The following ZCCHC7 variants were observed in gnomAD, a reference collection of about 807,000 sequenced individuals.
ZCCHC7 encodes zinc finger CCHC domain-containing protein 7.
In ZCCHC7, 35 loss-of-function variants were observed where a neutral mutation model predicts 52.0. That is an observed-to-expected ratio of 0.67 (90% confidence interval 0.51 to 0.89). The LOEUF (loss-of-function observed/expected upper bound fraction) is 0.89, where lower values mean the gene tolerates loss of function less well. ZCCHC7 is among the 40% of genes least tolerant of loss of function. The pLI is 0.00. For synonymous variants in ZCCHC7, 217 were observed against 221.5 expected (o/e 0.98, Z 0.18); for missense variants, 574 against 649.1 (o/e 0.88, Z 1.26).
intron 2 of ZCCHC7, among the ~76,000 whole-genome samples, chr9:37,240,870 C>T (rs1287052463): frequency 6.6e-6 from 1 of 151,442 alleles, no homozygotes; most frequent in East Asian, 1.9e-4. Context: ...ATTTAATATG[C>T]AATAAAATAT....
intron 6 of ZCCHC7, among the ~76,000 whole-genome samples, chr9:37,331,653 A>G (rs1830454838): frequency 6.6e-6 from 1 of 151,738 alleles, no homozygotes; most frequent in Admixed American, 6.6e-5. Context: ...TAATGCTAAT[A>G]TGGAATGTTT....
intron 2 of ZCCHC7, among the ~76,000 whole-genome samples, chr9:37,295,744 T>C (rs1828756355): frequency 6.6e-6 from 1 of 152,158 alleles, no homozygotes; most frequent in Non-Finnish European, 1.5e-5. Flanking sequence ...AATAATTCCA[T>C]TTTAGTGAAT....
intron 2 of ZCCHC7, among the ~76,000 whole-genome samples, chr9:37,206,594 C>T (rs1823929663): frequency 1.3e-5 from 2 of 152,116 alleles, no homozygotes; most frequent in South Asian, 4.1e-4. Context: ...TCAAGCGATC[C>T]ACTTGCCTCA....
chr9:37,229,185 T>G (rs1187821578), intron 2 of ZCCHC7, among the ~76,000 whole-genome samples: 1 of 152,168 alleles, frequency 6.6e-6, no homozygotes, highest in African/African-American at 2.4e-5. Context: ...GATTAATGGC[T>G]CACAGCTTCT....
chr9:37,203,309 A>T (rs552728427), intron 2 of ZCCHC7, among the ~76,000 whole-genome samples: 21 of 151,010 alleles, frequency 1.4e-4, no homozygotes, highest in South Asian at 2.1e-4. Flanking sequence ...TCTTTAAAAA[A>T]TTTTTTTTTT....
intron 5 of ZCCHC7, among the ~76,000 whole-genome samples, chr9:37,315,047 A>T (rs1336743330): frequency 6.6e-6 from 1 of 152,040 alleles, no homozygotes; most frequent in African/African-American, 2.4e-5. Context: ...ATAATTAGGC[A>T]TGCCATCTAA....
Position 37,278,259 on chromosome 9 carries a change from A to G in ZCCHC7, c.611-23929A>G, listed in dbSNP as rs939451818. Among the ~76,000 whole-genome samples the G allele has an allele frequency of 2.0e-4, 31 of 152,180 alleles. 1 individual carries two copies. Among genetic ancestry groups the G allele is most frequent in the African/African-American group, 6.8e-4 (28 of 41,442 alleles). ...TTTAAAGCTGTTATTAGTTATGACT[A>G]TGCTCAAGGATATAAAATGGCATAC... On this transcript the variant is annotated intron_variant, in intron 2 of 8. Transcript: ENST00000336755.
intron 4 of ZCCHC7, 87 bp from the exon 5 acceptor site, chr9:37,305,456 GA>G (rs1293316174): frequency 5.3e-6 from 8 of 1,497,268 alleles, no homozygotes; most frequent in Middle Eastern, 2.4e-4. Context: ...AATTAGAAAA[GA>G]TTTTTTTATG....
At chr9:37,235,339 G>A (rs1453355483) in intron 2 of ZCCHC7, among the ~76,000 whole-genome samples, 1 of 152,060 alleles carries the variant, frequency 6.6e-6, no homozygotes, top group Non-Finnish European at 1.5e-5. Context: ...CCGTATATGG[G>A]AGAAATCATG....
At chr9:37,176,543 T>C (rs964077691) in intron 2 of ZCCHC7, among the ~76,000 whole-genome samples, 1 of 152,002 alleles carries the variant, frequency 6.6e-6, no homozygotes, top group African/African-American at 2.4e-5. Context: ...ATCAATAATA[T>C]ATGTCAATAT....
chr9:37,298,533 T>C (rs748923438), intron 2 of ZCCHC7, among the ~76,000 whole-genome samples: 4 of 152,142 alleles, frequency 2.6e-5, no homozygotes, highest in Non-Finnish European at 4.4e-5. Flanking sequence ...CACAAAATAG[T>C]ACATAACGTA....
chr9:37,125,272 C>G (rs1842494611), intron 1 of ZCCHC7, among the ~76,000 whole-genome samples: 1 of 152,246 alleles, frequency 6.6e-6, no homozygotes. Flanking sequence ...ACCTCAACCT[C>G]CTGAGTAGTA....
At chr9:37,232,994 G>A (rs1825478336) in intron 2 of ZCCHC7, among the ~76,000 whole-genome samples, 1 of 152,098 alleles carries the variant, frequency 6.6e-6, no homozygotes. Flanking sequence ...CCAGGTTGGT[G>A]GTGTTGGCTT....
chr9:37,335,793 T>G (rs1830622684), intron 6 of ZCCHC7, among the ~76,000 whole-genome samples: 1 of 152,212 alleles, frequency 6.6e-6, no homozygotes, highest in Non-Finnish European at 1.5e-5. Flanking sequence ...TTTATACTTG[T>G]CTTATTCTTT....
At chr9:37,130,597 A>G (rs146729443) in intron 2 of ZCCHC7, among the ~76,000 whole-genome samples, 7,634 of 149,116 alleles carry the variant, frequency 0.051, 634 homozygotes, top group African/African-American at 0.18. Context: ...GGTTCACGCC[A>G]TTCTCCTGCC....
At chr9:37,140,590 A>G (rs1843176839) in intron 2 of ZCCHC7, among the ~76,000 whole-genome samples, 1 of 151,978 alleles carries the variant, frequency 6.6e-6, no homozygotes, top group African/African-American at 2.4e-5. Flanking sequence ...GACATTTTAA[A>G]GTTGTATTAA....
At chr9:37,328,012 T>C (rs533019721) in intron 6 of ZCCHC7, among the ~76,000 whole-genome samples, 178 bp downstream of exon 6, 1 of 152,196 alleles carries the variant, frequency 6.6e-6, no homozygotes, top group South Asian at 2.1e-4. Context: ...CCCTACCCTA[T>C]CTTCCTGTTC....
At chr9:37,122,246 T>G (rs1353424960) in intron 1 of ZCCHC7, among the ~76,000 whole-genome samples, 2 of 152,270 alleles carry the variant, frequency 1.3e-5, no homozygotes, top group Non-Finnish European at 2.9e-5. Flanking sequence ...TAAATAAGCC[T>G]TAAGTTGTCT....
At chr9:37,322,395 G>A (rs1830089726) in intron 5 of ZCCHC7, 1 of 152,072 alleles carries the variant, frequency 6.6e-6, no homozygotes, top group South Asian at 2.1e-4. Context: ...GAGGAGGAAA[G>A]GCTAGTAAGG....
Sources: gnomAD v4.1 joint callset for allele counts (sites outside exome capture counted in the v4.1 genomes callset) on GRCh38, gnomAD v4.1.1 for gene constraint, MANE v1.5 for transcripts, NCBI Gene and HGNC (gene_info 2026-07-23, HGNC 2026-07-21) for gene names.